DNAJC11: variants seen among roughly 807,000 people sequenced by gnomAD.
DNAJC11 encodes the protein dnaJ homolog subfamily C member 11.
In DNAJC11, 15 loss-of-function variants were observed where a neutral mutation model predicts 78.6. The ratio of observed to expected loss-of-function variants is 0.19; its 90% CI spans 0.13 to 0.29. The LOEUF is 0.29. Ranked by LOEUF, DNAJC11 falls within the 10% of genes least tolerant of loss-of-function variation. The pLI is 1.00. For synonymous variants in DNAJC11, 292 were observed against 272.1 expected (o/e 1.07, Z -0.72); for missense variants, 547 against 709.6 (o/e 0.77, Z 2.60).
intron 3 of DNAJC11, among the ~76,000 whole-genome samples, chr1:6,669,727 C>T (rs188159918): frequency 1.3e-5 from 2 of 151,760 alleles, no homozygotes; most frequent in Admixed American, 1.3e-4. Flanking sequence ...AAATTGTGTG[C>T]ACCGGTGAGA....
intron 1 of DNAJC11, among the ~76,000 whole-genome samples, chr1:6,693,939 G>C (rs57557831): frequency 1.3e-5 from 2 of 149,898 alleles, no homozygotes; most frequent in Non-Finnish European, 3.0e-5. Flanking sequence ...TCCCAGCAGA[G>C]ATTCTCCTGC....
At chr1:6,657,400 G>C (rs1015801431) in intron 4 of DNAJC11, among the ~76,000 whole-genome samples, 2 of 152,164 alleles carry the variant, frequency 1.3e-5, no homozygotes, top group Non-Finnish European at 2.9e-5. Context: ...AGCCACTGCT[G>C]ACATGCAGAC....
Position 6,635,383 on chromosome 1 carries a change from G to A in DNAJC11, c.*292C>T, listed in dbSNP as rs1223683906. On this transcript the variant is annotated 3_prime_UTR_variant, in exon 16 of 16. Coordinates refer to ENST00000377577, the MANE Select transcript of DNAJC11 (RefSeq NM_018198.4). ...CGGGCTGCGGTCAGCACGTGTGCTC[G>A]GGACACAGCGGAGTCAGGGCCAGAG... 2.7e-6 allele frequency: 1 copy of A among 368,130 alleles called. No individual in the cohort carries two copies. The highest frequency in any genetic ancestry group is 5.0e-6 in the Non-Finnish European group (1 of 201,502). 22.8% of individuals were successfully genotyped at this position (368,130 alleles called of 1,614,324 possible). A position where few individuals can be genotyped will look rare whatever the true frequency, so the allele number is the denominator to read the frequency against.
chr1:6,644,513 A>G (rs780412591), intron 10 of DNAJC11, 45 bp downstream of exon 10: 21 of 1,319,230 alleles, frequency 1.6e-5, no homozygotes, highest in East Asian at 9.2e-5. Context: ...GGTTGAGTGA[A>G]GGTGACAGGC....
In DNAJC11 at chr1:6,634,497, G is replaced by A. The variant is rs775026315; in HGVS notation, c.*1178C>T. The A allele has an allele frequency of 4.7e-5, 63 of 1,342,716 alleles. No individual in the cohort carries two copies. Among genetic ancestry groups the A allele is most frequent in the Non-Finnish European group, 5.5e-5 (56 of 1,010,212 alleles). 83.2% of individuals were successfully genotyped at this position (1,342,716 alleles called of 1,614,324 possible). ...AGCTGTGGGTGGGCTGGAGGCCGGC[G>A]CAGCTTGGGGCCCCCCGCGCCAGCT... On this transcript the variant is annotated 3_prime_UTR_variant, in exon 16 of 16. Coordinates refer to ENST00000377577, the MANE Select transcript of DNAJC11 (RefSeq NM_018198.4).
intron 1 of DNAJC11, among the ~76,000 whole-genome samples, chr1:6,692,325 C>T (rs1410400569): frequency 6.6e-6 from 1 of 152,054 alleles, no homozygotes; most frequent in Admixed American, 6.6e-5. Flanking sequence ...TCCCTGCACA[C>T]AGGCAGCTTC....
At position 6,640,050 on chromosome 1, in the gene DNAJC11, T is replaced by C. The variant is rs1366791932; in HGVS notation, c.1105A>G (p.Arg369Gly). ...QGVSLKVKLNRASQTYFFPIH... is the reference protein window; with the variant it reads ...QGVSLKVKLNGASQTYFFPIH... ...GGGAAGAAGTATGTCTGACTGGCCC[T>C]GTTGAGCCTGGGGAAAAATACAAAA... The change falls in exon 11 of 16, where the codon AGG becomes GGG. Residue 369 changes from arginine to glycine, a missense_variant. Physicochemically the swap from Arg to Gly is moderately radical, Grantham distance 125 (BLOSUM62 -2). Coordinates refer to ENST00000377577, the MANE Select transcript of DNAJC11 (RefSeq NM_018198.4). The C allele has an allele frequency of 6.4e-7, 1 of 1,555,626 alleles. No individual in the cohort carries two copies. The highest frequency in any genetic ancestry group is 2.2e-5 in the Admixed American group (1 of 44,620).
At chr1:6,673,143 C>T (rs1009570597) in intron 3 of DNAJC11, among the ~76,000 whole-genome samples, 1 of 124,462 alleles carries the variant, frequency 8.0e-6, no homozygotes, top group Non-Finnish European at 1.6e-5. Context: ...TTGCCGTGAA[C>T]GGAGATCGTG....
At chr1:6,684,555 C>T (rs1436387865) in intron 1 of DNAJC11, among the ~76,000 whole-genome samples, 2 of 152,144 alleles carry the variant, frequency 1.3e-5, no homozygotes, top group East Asian at 3.9e-4. Flanking sequence ...ATTCTTTAAT[C>T]TTATTAATAA....
intron 7 of DNAJC11, among the ~76,000 whole-genome samples, chr1:6,647,586 G>A (rs1452204984): frequency 2.0e-5 from 3 of 152,024 alleles, no homozygotes; most frequent in Non-Finnish European, 4.4e-5. Flanking sequence ...TTGGGAAGCC[G>A]AGGTGGGTGG....
Position 6,645,807 on chromosome 1 carries a change from G to A in DNAJC11, c.876C>T (p.His292=). 20 of 1,614,088 alleles carry A rather than the reference G, an allele frequency of 1.2e-5. No homozygotes were observed. Among genetic ancestry groups the A allele is most frequent in the Non-Finnish European group, 1.7e-5 (20 of 1,179,928 alleles). ...GGCTCACCTGCAGGGCCACAGTGAA[G>A]TGGCTGGTTTTAGTGTCTCGGACGA... ...TSIVRDTKTS[H]FTVALQLGIP... Residue 292 remains histidine (H), a synonymous_variant, in exon 8 of 16, where the codon CAC becomes CAT. Coordinates refer to ENST00000377577, the MANE Select transcript of DNAJC11 (RefSeq NM_018198.4). The surrounding 1 kb of genome is among the most constrained non-coding windows in gnomAD (Gnocchi z 4.1).
intron 14 of DNAJC11, 112 bp downstream of exon 14, chr1:6,637,086 G>A: frequency 7.1e-7 from 1 of 1,404,566 alleles, no homozygotes; most frequent in East Asian, 2.3e-5. Flanking sequence ...CTGGGCTCAA[G>A]CAATCCGCCC....
In DNAJC11 at chr1:6,652,890, T is replaced by C; in HGVS notation, c.569A>G (p.Asn190Ser). The C allele has an allele frequency of 1.9e-6, 3 of 1,614,204 alleles. No homozygotes were observed. The highest frequency in any genetic ancestry group is 1.6e-4 in the Middle Eastern group (1 of 6,062). Residue 190 changes from asparagine (N) to serine (S), a missense_variant, in exon 6 of 16, where the codon AAT becomes AGT. Transcript: ENST00000377577. ...CGCAAAGTTAATGGAACCTCCTCCA[T>C]TTCCATTCTGGGTTGAGAGGCTTCC... The part of the protein sequence containing the change: ...LSGSLSTQNG[N>S]GGGSINFALR...
At chr1:6,644,434 A>C (rs1641935306) in intron 10 of DNAJC11, 124 bp downstream of exon 10, 6 of 783,666 alleles carry the variant, frequency 7.7e-6, no homozygotes, top group Non-Finnish European at 1.3e-5. Flanking sequence ...GCACCTAGCC[A>C]AGCAACTGTG....
chr1:6,689,229 A>G (rs1207560491), intron 1 of DNAJC11, among the ~76,000 whole-genome samples: 3 of 152,252 alleles, frequency 2.0e-5, no homozygotes, highest in African/African-American at 4.8e-5. Flanking sequence ...TAAAGGAAAC[A>G]GCAGCAGAAA....
At chr1:6,664,368 T>A (rs1355276307) in intron 4 of DNAJC11, among the ~76,000 whole-genome samples, 1 of 151,858 alleles carries the variant, frequency 6.6e-6, no homozygotes, top group East Asian at 1.9e-4. Flanking sequence ...GCCTCCTGAG[T>A]AGCTGGGACT....
chr1:6,689,332 C>T (rs1197526531), intron 1 of DNAJC11, among the ~76,000 whole-genome samples: 1 of 151,888 alleles, frequency 6.6e-6, no homozygotes, highest in Non-Finnish European at 1.5e-5. Context: ...CACGGATCTA[C>T]GGGACAGTTA....
chr1:6,641,248 T>C (rs1027067220), intron 10 of DNAJC11, among the ~76,000 whole-genome samples: 7 of 151,462 alleles, frequency 4.6e-5, no homozygotes, highest in Admixed American at 2.0e-4. Context: ...TAGCTGGGTG[T>C]GGTGGTGGGC....
chr1:6,669,858 G>T (rs1320017317), intron 3 of DNAJC11, among the ~76,000 whole-genome samples: 1 of 152,170 alleles, frequency 6.6e-6, no homozygotes, highest in Non-Finnish European at 1.5e-5. Context: ...CCATCCATGG[G>T]AGAAACACAG....
Sources: gnomAD v4.1 joint callset for allele counts (sites outside exome capture counted in the v4.1 genomes callset) on GRCh38, gnomAD v4.1.1 for gene constraint, Gnocchi (gnomAD v3.1) non-coding constraint, MANE v1.5 for transcripts, NCBI Gene and HGNC (gene_info 2026-07-23, HGNC 2026-07-21) for gene names.